The following FAM135B variants were observed in gnomAD, a reference collection of about 807,000 sequenced individuals.
FAM135B encodes the protein protein FAM135B.
FAM135B carries 43 observed loss-of-function variants against 127.7 expected under a neutral mutation model. The observed-to-expected ratio is 0.34, with a 90% confidence interval of 0.26 to 0.43. FAM135B has a LOEUF of 0.43. FAM135B is among the 20% of genes least tolerant of loss of function. The pLI is 1.00. For missense variants in FAM135B, 1,558 were observed against 1,725.6 expected (o/e 0.90, Z 1.72); for synonymous variants, 670 against 665.1 (o/e 1.01, Z -0.11).
At chr8:138,462,588 A>G (rs1837188143) in intron 1 of FAM135B, among the ~76,000 whole-genome samples, 1 of 152,190 alleles carries the variant, frequency 6.6e-6, no homozygotes, top group Non-Finnish European at 1.5e-5. Context: ...ATGCCAGGAC[A>G]ACTGAGCCAG....
intron 2 of FAM135B, among the ~76,000 whole-genome samples, chr8:138,357,549 T>C (rs16908925): frequency 0.028 from 4,311 of 152,268 alleles, 137 homozygotes; most frequent in East Asian, 0.17. Flanking sequence ...TGCATATTTA[T>C]GTAATCAGAA....
intron 2 of FAM135B, among the ~76,000 whole-genome samples, chr8:138,328,767 G>A (rs767465269): frequency 6.6e-6 from 1 of 152,188 alleles, no homozygotes. Flanking sequence ...CTTAACTTCT[G>A]TGAGCTACTA....
chr8:138,198,932 G>T (rs547204049), intron 7 of FAM135B, among the ~76,000 whole-genome samples: 5 of 152,186 alleles, frequency 3.3e-5, no homozygotes, highest in African/African-American at 1.2e-4. Context: ...TCACATGGCC[G>T]TGACGGGAGG....
chr8:138,192,079 G>A (rs1020673208), intron 9 of FAM135B, among the ~76,000 whole-genome samples: 4 of 152,226 alleles, frequency 2.6e-5, no homozygotes, highest in African/African-American at 9.6e-5. Flanking sequence ...TGAACAGAAT[G>A]TGATGGCTTA....
intron 1 of FAM135B, among the ~76,000 whole-genome samples, chr8:138,454,725 C>T (rs561734104): frequency 6.6e-6 from 1 of 152,280 alleles, no homozygotes; most frequent in South Asian, 2.1e-4. Context: ...TGTGGCTTCA[C>T]ACACAGAGAG....
intron 7 of FAM135B, among the ~76,000 whole-genome samples, chr8:138,228,762 A>G (rs1248461098): frequency 6.6e-6 from 1 of 152,174 alleles, no homozygotes; most frequent in African/African-American, 2.4e-5. Context: ...GAAGACAGGA[A>G]GAGGACAGCA....
At chr8:138,267,683 C>A (rs1823046024) in intron 3 of FAM135B, among the ~76,000 whole-genome samples, 1 of 152,042 alleles carries the variant, frequency 6.6e-6, no homozygotes, top group Admixed American at 6.5e-5. Context: ...TCACAGTCAC[C>A]TCCCAATGCA....
chr8:138,239,656 C>T (rs944435342), intron 7 of FAM135B, among the ~76,000 whole-genome samples: 15 of 152,140 alleles, frequency 9.9e-5, no homozygotes, highest in Admixed American at 9.2e-4. Context: ...TGGGTATATA[C>T]CCAAAGGATT....
Position 138,406,439 on chromosome 8 carries a change from G to A in FAM135B, c.-19-38437C>T, listed in dbSNP as rs544577906. Among the ~76,000 whole-genome samples, 10 of 151,250 alleles carry A rather than the reference G, an allele frequency of 6.6e-5. No homozygotes were observed. The South Asian group carries it at 8.4e-4, about 13-fold the overall frequency. On this transcript the variant is annotated intron_variant, in intron 1 of 19. Coordinates refer to ENST00000395297, the MANE Select transcript of FAM135B (RefSeq NM_015912.4). ...CCAGCATCATCCTGATACCAAAGCC[G>A]GGCAGAGACACAACCAAAAAAGAGA...
intron 1 of FAM135B, among the ~76,000 whole-genome samples, chr8:138,417,664 G>A (rs1037306026): frequency 1.3e-5 from 2 of 152,146 alleles, no homozygotes; most frequent in African/African-American, 4.8e-5. Context: ...ATGCAGGCCT[G>A]GTCCCAGACT....
rs530749234 is a variant in FAM135B at position 138,472,533 on chromosome 8, C to T, written c.-20+24138G>A. On this transcript the variant is annotated intron_variant, in intron 1 of 19. Coordinates refer to ENST00000395297, the MANE Select transcript of FAM135B (RefSeq NM_015912.4). ...GGGTCTCCTGTCAGGTCTGAGCACA[C>T]GTGGTGGGAGGTAGACAACGGAAGG... is the stretch of plus-strand genomic sequence containing the variant. 3.3e-5 allele frequency among the ~76,000 whole-genome samples: 5 copies of T among 152,120 alleles called. No individual in the cohort carries two copies. In the East Asian group the frequency reaches 7.7e-4, roughly 24 times the overall value.
chr8:138,401,999 C>T (rs1417919160), intron 1 of FAM135B, among the ~76,000 whole-genome samples: 2 of 151,934 alleles, frequency 1.3e-5, no homozygotes, highest in South Asian at 4.2e-4. Context: ...TATGCCTGTC[C>T]CTGGTGTGTG....
chr8:138,283,572 T>C (rs1333654146), intron 3 of FAM135B, among the ~76,000 whole-genome samples: 1 of 152,144 alleles, frequency 6.6e-6, no homozygotes, highest in African/African-American at 2.4e-5. Context: ...CCACAGAATG[T>C]ACAACACCAA....
intron 2 of FAM135B, among the ~76,000 whole-genome samples, chr8:138,314,560 G>C (rs554769393): frequency 6.6e-6 from 1 of 151,936 alleles, no homozygotes; most frequent in African/African-American, 2.4e-5. Context: ...GCAAAACAGA[G>C]TATCAATGCA....
intron 13 of FAM135B, 133 bp from the exon 14 acceptor site, chr8:138,148,819 C>T (rs1354727005): frequency 6.6e-6 from 4 of 601,846 alleles, no homozygotes; most frequent in Admixed American, 3.3e-5. Context: ...CTGACTTGAG[C>T]CCCCAGGGAA....
chr8:138,362,519 G>A (rs1253704832), intron 2 of FAM135B, among the ~76,000 whole-genome samples: 6 of 152,074 alleles, frequency 3.9e-5, no homozygotes, highest in African/African-American at 1.4e-4. Flanking sequence ...ATGTTGCAAG[G>A]TGGATAGCAC....
intron 16 of FAM135B, chr8:138,142,751 C>T: frequency 2.8e-6 from 1 of 354,758 alleles, no homozygotes; most frequent in Non-Finnish European, 5.1e-6. Flanking sequence ...AGAATTCAAA[C>T]CTAGGAATTT....
At chr8:138,360,301 T>C (rs1320832077) in intron 2 of FAM135B, among the ~76,000 whole-genome samples, 5 of 152,246 alleles carry the variant, frequency 3.3e-5, no homozygotes, top group African/African-American at 9.6e-5. Flanking sequence ...GTTATGGATA[T>C]ACTGATGATT....
intron 2 of FAM135B, among the ~76,000 whole-genome samples, chr8:138,352,032 G>T (rs1829816587): frequency 6.6e-6 from 1 of 152,086 alleles, no homozygotes; most frequent in Non-Finnish European, 1.5e-5. Context: ...GACTGATCCT[G>T]TATGGAACCT....
Sources: allele counts gnomAD v4.1 joint callset (sites outside exome capture counted in the v4.1 genomes callset), GRCh38; gene constraint gnomAD v4.1.1; transcripts MANE v1.5; gene names NCBI Gene and HGNC (gene_info 2026-07-23, HGNC 2026-07-21).